The following SCRIB variants were observed in gnomAD, a reference collection of about 807,000 sequenced individuals.
The protein encoded by SCRIB is scribble planar cell polarity protein, also known as protein scribble homolog.
In SCRIB, 72 loss-of-function variants were observed where a neutral mutation model predicts 170.0. The observed-to-expected ratio is 0.42, with a 90% confidence interval of 0.35 to 0.52. SCRIB has a LOEUF of 0.52. Ranked by LOEUF, SCRIB falls within the 20% of genes least tolerant of loss-of-function variation. The probability of loss-of-function intolerance (pLI) is 0.02; values close to 1 mark genes in which losing one functional copy is unlikely to be tolerated. For synonymous variants in SCRIB, 1,298 were observed against 1,044.3 expected (o/e 1.24, Z -4.68); for missense variants, 2,475 against 2,338.5 (o/e 1.06, Z -1.20).
Position 143,814,136 on chromosome 8 carries a change from A to G in SCRIB, c.160-18T>C. The G allele has an allele frequency of 6.5e-7, 1 of 1,545,896 alleles. No homozygotes were observed. The highest frequency in any genetic ancestry group is 1.2e-5 in the South Asian group (1 of 84,046). ...AAAAAAGGCTGTGGGCAGGGAGGAC[A>G]CGGACTCTGTGGCAGAGACCACTGC... On this transcript the variant is annotated intron_variant, in intron 1 of 36. Coordinates refer to ENST00000356994, the MANE Select transcript of SCRIB (RefSeq NM_182706.5).
chr8:143,798,083 C>T (rs782567328), intron 24 of SCRIB, among the ~76,000 whole-genome samples: 7 of 152,088 alleles, frequency 4.6e-5, no homozygotes, highest in South Asian at 2.1e-4. Context: ...TTTGGAACCA[C>T]GTGAAGATTT....
chr8:143,794,559 T>C (rs1215413393), intron 27 of SCRIB, among the ~76,000 whole-genome samples: 1 of 152,040 alleles, frequency 6.6e-6, no homozygotes, highest in African/African-American at 2.4e-5. Flanking sequence ...TCGGTGGGGC[T>C]GGTGGGGCGC....
chr8:143,803,517 G>C lies in SCRIB; in HGVS notation c.3469C>G (p.Leu1157Val), dbSNP rs782033651. ...AGGCTCTGCTGGTTCACCTCCAACA[G>C]CCGCAAACCCACACGCAGCCGACCG... ...RDGRLRVGLRLLEVNQQSLLG... is the reference protein window; with the variant it reads ...RDGRLRVGLRVLEVNQQSLLG... The change falls in exon 24 of 37, where the codon CTG becomes GTG. Residue 1157 changes from leucine to valine, a missense_variant. By Grantham distance (32) the Leu-to-Val change is conservative. Coordinates refer to ENST00000356994, the MANE Select transcript of SCRIB (RefSeq NM_182706.5). 1.7e-5 allele frequency: 28 copies of C among 1,600,606 alleles called. No homozygotes were observed. Among genetic ancestry groups the C allele is most frequent in the Non-Finnish European group, 2.2e-5 (26 of 1,177,764 alleles).
intron 9 of SCRIB, 135 bp from the exon 10 acceptor site, chr8:143,811,480 A>G: frequency 1.4e-6 from 1 of 737,636 alleles, no homozygotes; most frequent in South Asian, 1.7e-5. Flanking sequence ...GGAGACCGGG[A>G]CAAGGACCTG....
chr8:143,808,577 C>G, intron 15 of SCRIB, 32 bp downstream of exon 15: 1 of 1,494,956 alleles, frequency 6.7e-7, no homozygotes, highest in Non-Finnish European at 8.9e-7. Context: ...CCAGGGGAAT[C>G]TGGGTCAGGC....
At chr8:143,800,645 C>T (rs1416719137) in intron 24 of SCRIB, among the ~76,000 whole-genome samples, 1 of 152,250 alleles carries the variant, frequency 6.6e-6, no homozygotes, top group East Asian at 1.9e-4. Context: ...GAGGCCAAGG[C>T]AGGCAGGTCA....
At position 143,813,020 on chromosome 8, in the gene SCRIB, C is replaced by G. The variant is rs1318905167; in HGVS notation, c.642+10G>C. ...GCACGAAGCAGGGGGCCAGCCCCAC[C>G]CTGACTCACCGGGGGCAGTGCTGAC... On this transcript the variant is annotated intron_variant, in intron 7 of 36. Transcript: ENST00000356994. 1 of 1,605,310 alleles carries G rather than the reference C, an allele frequency of 6.2e-7. No homozygotes were observed. Among genetic ancestry groups the G allele is most frequent in the African/African-American group, 1.3e-5 (1 of 75,038 alleles).
chr8:143,801,669 G>C (rs1393482752), intron 24 of SCRIB, among the ~76,000 whole-genome samples: 5 of 152,212 alleles, frequency 3.3e-5, no homozygotes, highest in South Asian at 2.1e-4. Flanking sequence ...TGCTGGGGCG[G>C]ACAGCGAGCC....
At chr8:143,805,928 C>G (rs1815404477) in intron 18 of SCRIB, among the ~76,000 whole-genome samples, 1 of 152,190 alleles carries the variant, frequency 6.6e-6, no homozygotes, top group Admixed American at 6.5e-5. Context: ...TCAGTGTGTC[C>G]CTACAAGAAG....
chr8:143,794,594 C>T (rs1476619866), intron 27 of SCRIB, among the ~76,000 whole-genome samples: 2 of 152,014 alleles, frequency 1.3e-5, no homozygotes, highest in African/African-American at 2.4e-5. Flanking sequence ...TTATTTGTAT[C>T]TCTAAGGGGA....
At chr8:143,803,056 T>G (rs782286308) in intron 24 of SCRIB, among the ~76,000 whole-genome samples, 1 of 152,194 alleles carries the variant, frequency 6.6e-6, no homozygotes, top group African/African-American at 2.4e-5. Flanking sequence ...CTGATGGGAC[T>G]CTGCAGGAGT....
At chr8:143,813,939 G>A (rs749059687) in intron 2 of SCRIB, 43 bp from the exon 3 acceptor site, 12 of 1,591,678 alleles carry the variant, frequency 7.5e-6, no homozygotes, top group South Asian at 1.1e-5. Flanking sequence ...TGGCCTGCAG[G>A]CCGTCTGCAG....
intron 24 of SCRIB, among the ~76,000 whole-genome samples, chr8:143,801,963 G>A (rs566493154): frequency 3.3e-5 from 5 of 152,304 alleles, no homozygotes; most frequent in African/African-American, 9.6e-5. Flanking sequence ...GCGGCACGCC[G>A]GCTGCAGACA....
At chr8:143,793,232 C>A in intron 28 of SCRIB, 149 bp from the exon 29 acceptor site, 1 of 531,280 alleles carries the variant, frequency 1.9e-6, no homozygotes. Flanking sequence ...CTCTGCCACC[C>A]CCACCCACGG....
In SCRIB at chr8:143,798,569, C is replaced by T. The variant is rs148439174; in HGVS notation, c.3604-3039G>A. ...CCTGTTTCAGCCTCCTGAATACCTG[C>T]GACTACAGGCCATGTGCCACCACAC... On this transcript the variant is annotated intron_variant, in intron 24 of 36. Coordinates refer to ENST00000356994, the MANE Select transcript of SCRIB (RefSeq NM_182706.5). Among the ~76,000 whole-genome samples the T allele has an allele frequency of 2.2e-3, 342 of 152,238 alleles. 1 individual carries two copies. Among genetic ancestry groups the T allele is most frequent in the African/African-American group, 7.6e-3 (315 of 41,534 alleles).
In SCRIB at chr8:143,793,958, G is replaced by A. The variant is rs782682939; in HGVS notation, c.3851C>T (p.Pro1284Leu). The A allele has an allele frequency of 6.8e-6, 11 of 1,612,400 alleles. No homozygotes were observed. The highest frequency in any genetic ancestry group is 5.3e-5 in the African/African-American group (4 of 74,846). The change falls in exon 28 of 37, where the codon CCG (proline) becomes CTG (leucine). Residue 1284 changes from proline to leucine, a missense_variant. Pro to Leu is a moderately conservative substitution (Grantham distance 98). Around this residue, in one of 3 missense-constraint regions of SCRIB, gnomAD observed 1,966 missense variants for 1,742.9 expected, o/e 1.13. Coordinates refer to ENST00000356994, the MANE Select transcript of SCRIB (RefSeq NM_182706.5). ...VPSAGSVQRV[P>L]SGAAGGKMAE... ...CATCTTCCCTCCAGCTGCTCCAGACGGTACCTGGAGGAGTAGGCAGTGGGT... is the reference window on the plus strand; with the variant it reads ...CATCTTCCCTCCAGCTGCTCCAGACAGTACCTGGAGGAGTAGGCAGTGGGT...
chr8:143,793,746 G>A (rs898377271), intron 28 of SCRIB, among the ~76,000 whole-genome samples, 154 bp downstream of exon 28: 8 of 152,108 alleles, frequency 5.3e-5, no homozygotes, highest in Non-Finnish European at 1.0e-4. Flanking sequence ...TCCTCACACA[G>A]GAGGCCCCAT....
Position 143,810,890 on chromosome 8 carries a change from G to A in SCRIB, c.1273+16C>T, listed in dbSNP as rs538425067. 1.9e-6 allele frequency: 3 copies of A among 1,610,580 alleles called. No homozygotes were observed. The East Asian group carries it at 6.7e-5, about 36-fold the overall frequency. ...GAGAGCCACCCCGCGCTAAGCACCG[G>A]TTGCCAACAACCTACCGAGGCTGGG... On this transcript the variant is annotated intron_variant, in intron 11 of 36. Coordinates refer to ENST00000356994, the MANE Select transcript of SCRIB (RefSeq NM_182706.5).
intron 19 of SCRIB, 47 bp from the exon 20 acceptor site, chr8:143,805,061 G>A: frequency 6.3e-7 from 1 of 1,582,760 alleles, no homozygotes; most frequent in South Asian, 1.1e-5. Context: ...AGGCTGGAGT[G>A]CGGCTGTCAG....
Sources: gnomAD v4.1 joint callset for allele counts (sites outside exome capture counted in the v4.1 genomes callset) on GRCh38, gnomAD v4.1.1 for gene constraint, gnomAD v4.1.1 regional missense constraint, MANE v1.5 for transcripts, NCBI Gene and HGNC (gene_info 2026-07-23, HGNC 2026-07-21) for gene names.